Variants in SGPL1 observed in about 807,000 individuals in gnomAD.
SGPL1 encodes the protein SP-lyase 1.
SGPL1 carries 37 observed loss-of-function variants against 68.9 expected under a neutral mutation model. That is an observed-to-expected ratio of 0.54 (90% confidence interval 0.41 to 0.71). SGPL1 has a LOEUF of 0.71. Ranked by LOEUF, SGPL1 falls within the 30% of genes least tolerant of loss-of-function variation. The pLI is 0.00. For missense variants in SGPL1, 551 were observed against 704.6 expected, an observed-to-expected ratio of 0.78 and a Z score of 2.47; for synonymous variants, 236 against 248.5, an observed-to-expected ratio of 0.95 and a Z score of 0.47.
At position 70,836,498 on chromosome 10, in the gene SGPL1, T is replaced by C. The variant is rs901945705; in HGVS notation, c.28-7975T>C. Among the ~76,000 whole-genome samples, 45 of 152,034 alleles carry C rather than the reference T, an allele frequency of 3.0e-4. 1 individual carries two copies. On this transcript the variant is annotated intron_variant, in intron 2 of 14. Transcript: ENST00000373202. ...TGATACTGCACACTGGTTTCTTTTC[T>C]TTTCTTTTTCCCCTTCCTTTCCTTT... is the stretch of plus-strand genomic sequence containing the variant.
rs1846436743 is a variant in SGPL1 at position 70,878,367 on chromosome 10, AT to A, written c.*1034del. ...GATTATTGTTTGGAATGATGCTTCC[AT>A]TGGCTTTTTCTTGTTACCATGGACT... On this transcript the variant is annotated 3_prime_UTR_variant, in exon 15 of 15. Coordinates refer to ENST00000373202, the MANE Select transcript of SGPL1 (RefSeq NM_003901.4). 6.6e-6 allele frequency: 1 copy of A among 152,184 alleles called. No individual in the cohort carries two copies. The highest frequency in any genetic ancestry group is 2.4e-5 in the African/African-American group (1 of 41,432). The allele number at this position is 152,184 out of a possible 1,614,324, so 9.4% of individuals were successfully genotyped here. A position where few individuals can be genotyped will look rare whatever the true frequency, so the allele number is the denominator to read the frequency against.
chr10:70,823,296 G>A (rs1424035573), intron 2 of SGPL1, among the ~76,000 whole-genome samples: 1 of 151,058 alleles, frequency 6.6e-6, no homozygotes, highest in African/African-American at 2.4e-5. Context: ...CATTAAATCA[G>A]TCTTCTCTTT....
chr10:70,835,798 C>T (rs866397455), intron 2 of SGPL1, among the ~76,000 whole-genome samples: 1 of 151,066 alleles, frequency 6.6e-6, no homozygotes, highest in Admixed American at 6.6e-5. Context: ...GGGAAACTTT[C>T]TGTAGGGAAG....
chr10:70,875,209 A>G (rs61851617), intron 12 of SGPL1, among the ~76,000 whole-genome samples, 193 bp from the exon 13 acceptor site: 2,760 of 152,272 alleles, frequency 0.018, 39 homozygotes, highest in South Asian at 0.029. Flanking sequence ...TGTTCCATCT[A>G]TGATTCTGAT....
At chr10:70,821,135 G>A (rs111621163) in intron 2 of SGPL1, among the ~76,000 whole-genome samples, 2 of 152,320 alleles carry the variant, frequency 1.3e-5, no homozygotes, top group African/African-American at 4.8e-5. Flanking sequence ...CGTATGTGAT[G>A]TGTCATAGAC....
In SGPL1 at chr10:70,873,609, G is replaced by A. The variant is rs372630384; in HGVS notation, c.1298+20G>A. On this transcript the variant is annotated intron_variant, in intron 12 of 14. Coordinates refer to ENST00000373202, the MANE Select transcript of SGPL1 (RefSeq NM_003901.4). ...GTCAGAGTATGTGTGGAAGACTGGG[G>A]TTCTGCCTTGTCTATTGCTTTTTTG... The A allele has an allele frequency of 1.4e-5, 22 of 1,563,786 alleles. No individual in the cohort carries two copies. The East Asian group carries it at 2.7e-4, about 19-fold the overall frequency.
At chr10:70,816,716 G>T in intron 1 of SGPL1, 95 bp from the exon 2 acceptor site, 4 of 834,130 alleles carry the variant, frequency 4.8e-6, no homozygotes, top group Non-Finnish European at 8.5e-6. Flanking sequence ...TCAAAGGAGG[G>T]AGAGAACCAT....
In SGPL1 at chr10:70,877,511, G is replaced by GT; in HGVS notation, c.*181dup. The stretch of plus-strand genomic sequence containing the variant: ...TTCTTCCTCTTATCTTCCTTTTGTG[G>GT]TTTTTAATTTGAAGACCCCAGAGAA... On this transcript the variant is annotated 3_prime_UTR_variant, in exon 15 of 15. Coordinates refer to ENST00000373202, the MANE Select transcript of SGPL1 (RefSeq NM_003901.4). The GT allele has an allele frequency of 1.8e-6, 1 of 553,718 alleles. No individual in the cohort carries two copies. The highest frequency in any genetic ancestry group is 3.4e-5 in the South Asian group (1 of 29,184). The allele number at this position is 553,718 out of a possible 1,614,324, so 34.3% of individuals were successfully genotyped here.
chr10:70,864,169 G>GT (rs1282843953), intron 7 of SGPL1, among the ~76,000 whole-genome samples: 1 of 151,984 alleles, frequency 6.6e-6, no homozygotes, highest in Non-Finnish European at 1.5e-5. Context: ...TTCCATAATT[G>GT]TTTTTTCCAT....
chr10:70,831,410 A>G (rs1377636091), intron 2 of SGPL1, among the ~76,000 whole-genome samples: 1 of 151,862 alleles, frequency 6.6e-6, no homozygotes, highest in Admixed American at 6.6e-5. Context: ...CCCAACCCCA[A>G]CCTGTCACAA....
At chr10:70,848,454 CTTTTTT>C (rs55860254) in intron 3 of SGPL1, among the ~76,000 whole-genome samples, 3 of 70,684 alleles carry the variant, frequency 4.2e-5, no homozygotes, top group South Asian at 6.2e-4. Flanking sequence ...ACCTCACGTA[CTTTTTT>C]TTTTTTTTTT....
intron 5 of SGPL1, among the ~76,000 whole-genome samples, chr10:70,857,004 C>T (rs1845975863): frequency 6.6e-6 from 1 of 152,194 alleles, no homozygotes; most frequent in Non-Finnish European, 1.5e-5. Context: ...GAATATGCTA[C>T]AGCGTGTGCT....
At chr10:70,851,097 A>C in intron 3 of SGPL1, 46 bp from the exon 4 acceptor site, 2 of 1,469,686 alleles carry the variant, frequency 1.4e-6, no homozygotes, top group Non-Finnish European at 1.9e-6. Context: ...GCCAGGTCAT[A>C]TCCATGGAAA....
At chr10:70,860,172 A>G (rs907388818) in intron 7 of SGPL1, among the ~76,000 whole-genome samples, 1 of 151,510 alleles carries the variant, frequency 6.6e-6, no homozygotes, top group African/African-American at 2.4e-5. Flanking sequence ...TTCGTAAACT[A>G]TGATAGATAA....
intron 4 of SGPL1, among the ~76,000 whole-genome samples, chr10:70,853,635 C>T (rs931353555): frequency 2.0e-5 from 3 of 151,970 alleles, no homozygotes; most frequent in Non-Finnish European, 2.9e-5. Context: ...CACTATGTGT[C>T]CCTGGCCTGC....
chr10:70,858,494 A>T (rs1315231117), intron 6 of SGPL1, among the ~76,000 whole-genome samples: 1 of 152,118 alleles, frequency 6.6e-6, no homozygotes, highest in Non-Finnish European at 1.5e-5. Flanking sequence ...TGTACTGATG[A>T]TCTCTAAGGT....
intron 14 of SGPL1, 109 bp from the exon 15 acceptor site, chr10:70,877,086 C>A: frequency 9.8e-7 from 1 of 1,025,090 alleles, no homozygotes; most frequent in Non-Finnish European, 1.5e-6. Context: ...TGGGGTAGGG[C>A]AGTGCACATG....
chr10:70,858,449 T>G (rs1235795178), intron 6 of SGPL1, among the ~76,000 whole-genome samples: 1 of 152,210 alleles, frequency 6.6e-6, no homozygotes, highest in East Asian at 1.9e-4. Flanking sequence ...TCATATTTAT[T>G]TTTGAAACTC....
At chr10:70,866,557 G>A (rs536435249) in intron 7 of SGPL1, 6 of 152,286 alleles carry the variant, frequency 3.9e-5, no homozygotes, top group Non-Finnish European at 5.9e-5. Flanking sequence ...GTCATTACTG[G>A]ACCTTACGAA....
Sources: allele counts gnomAD v4.1 joint callset (sites outside exome capture counted in the v4.1 genomes callset), GRCh38; gene constraint gnomAD v4.1.1; transcripts MANE v1.5; gene names NCBI Gene and HGNC (gene_info 2026-07-23, HGNC 2026-07-21).